The following KALRN variants were observed in gnomAD, a reference collection of about 807,000 sequenced individuals.
KALRN encodes the protein kalirin.
KALRN carries 70 observed loss-of-function variants against 353.7 expected under a neutral mutation model. The observed-to-expected ratio is 0.20, with a 90% CI of 0.16 to 0.24. The LOEUF (loss-of-function observed/expected upper bound fraction) is 0.24, where lower values mean the gene tolerates loss of function less well. KALRN is among the 10% of genes least tolerant of loss of function. The pLI, the probability that KALRN is intolerant of heterozygous loss-of-function variation, is 1.00. For missense variants in KALRN, 2,791 were observed against 3,756.7 expected, an observed-to-expected ratio of 0.74 and a Z score of 6.72; for synonymous variants, 1,391 against 1,434.8, an observed-to-expected ratio of 0.97 and a Z score of 0.69.
chr3:124,187,026 T>C (rs1186296316), intron 1 of KALRN, among the ~76,000 whole-genome samples: 1 of 152,208 alleles, frequency 6.6e-6, no homozygotes, highest in Non-Finnish European at 1.5e-5. Context: ...TGGGATATCT[T>C]GCTGAAAGAC....
chr3:124,404,115 C>A (rs1179080707), intron 13 of KALRN, among the ~76,000 whole-genome samples: 1 of 133,842 alleles, frequency 7.5e-6, no homozygotes, highest in Admixed American at 8.2e-5. Context: ...GAACCAAAAT[C>A]TCCACCTTTT....
intron 32 of KALRN, among the ~76,000 whole-genome samples, chr3:124,496,016 C>CATATATACATATATATATATATATAT (rs2063798056): frequency 3.3e-5 from 1 of 30,152 alleles, no homozygotes. Context: ...TATATATACA[C>CATATATACATATATATATATATATAT]ACACATATAT....
At chr3:124,480,607 C>T (rs76726348) in intron 27 of KALRN, among the ~76,000 whole-genome samples, 3,474 of 152,156 alleles carry the variant, frequency 0.023, 128 homozygotes, top group African/African-American at 0.076. Flanking sequence ...TTTGTGTGTG[C>T]GCTGACAGGT....
At chr3:124,666,955 T>C (rs1228744102) in intron 46 of KALRN, 57 bp from the exon 47 acceptor site, 1 of 1,519,748 alleles carries the variant, frequency 6.6e-7, no homozygotes, top group Non-Finnish European at 8.9e-7. Flanking sequence ...GAGTAATATG[T>C]TGCTGATTTT....
At chr3:124,526,218 A>C (rs1026554833) in intron 33 of KALRN, among the ~76,000 whole-genome samples, 7 of 152,130 alleles carry the variant, frequency 4.6e-5, no homozygotes, top group African/African-American at 1.7e-4. Context: ...TCAGACCTCA[A>C]ATTTGGCTAT....
chr3:124,116,569 A>T (rs533574326), intron 1 of KALRN, among the ~76,000 whole-genome samples: 1 of 152,320 alleles, frequency 6.6e-6, no homozygotes, highest in Admixed American at 6.5e-5. Flanking sequence ...TCTGTCCAGA[A>T]ATGATGATGA....
At chr3:124,057,187 G>A (rs2149189760) in intron 1 of KALRN, among the ~76,000 whole-genome samples, 1 of 152,248 alleles carries the variant, frequency 6.6e-6, no homozygotes, top group South Asian at 2.1e-4. Flanking sequence ...TAAGCCTTCA[G>A]GACCATATCC....
At chr3:124,413,348 T>C in intron 13 of KALRN, 122 bp from the exon 14 acceptor site, 1 of 787,482 alleles carries the variant, frequency 1.3e-6, no homozygotes, top group Admixed American at 2.8e-5. Context: ...GGTTGAAGAA[T>C]TCCAAAGCAG....
intron 28 of KALRN, among the ~76,000 whole-genome samples, chr3:124,484,088 T>C (rs1439981394): frequency 6.6e-6 from 1 of 152,240 alleles, no homozygotes; most frequent in Non-Finnish European, 1.5e-5. Flanking sequence ...GAAAATCTGA[T>C]GTAATTCAGC....
At chr3:124,083,040 C>A (rs1197755566) in intron 1 of KALRN, among the ~76,000 whole-genome samples, 1 of 152,200 alleles carries the variant, frequency 6.6e-6, no homozygotes, top group East Asian at 1.9e-4. Context: ...TGAGTTACTG[C>A]TAGAAGGGAG....
chr3:124,584,645 T>G, intron 34 of KALRN: 1 of 1,410,530 alleles, frequency 7.1e-7, no homozygotes, highest in Non-Finnish European at 9.2e-7. Flanking sequence ...CCCTCCCCGC[T>G]TCCCAAGGTG....
At chr3:124,631,077 C>T (rs930467195) in intron 34 of KALRN, among the ~76,000 whole-genome samples, 3 of 152,194 alleles carry the variant, frequency 2.0e-5, no homozygotes, top group African/African-American at 7.2e-5. Flanking sequence ...TTTGACACGC[C>T]GATTTCTCCC....
intron 34 of KALRN, among the ~76,000 whole-genome samples, chr3:124,608,415 G>A (rs2077580896): frequency 6.6e-6 from 1 of 152,158 alleles, no homozygotes; most frequent in Non-Finnish European, 1.5e-5. Context: ...GAGCAGATGA[G>A]TCCTCGCTCT....
At chr3:124,636,298 C>T (rs936497725) in intron 36 of KALRN, among the ~76,000 whole-genome samples, 1 of 152,152 alleles carries the variant, frequency 6.6e-6, no homozygotes, top group East Asian at 1.9e-4. Flanking sequence ...ACAAACGGTG[C>T]AGGGTTAACT....
chr3:124,707,845 AAAG>A (rs976326344), intron 57 of KALRN, among the ~76,000 whole-genome samples: 24 of 152,190 alleles, frequency 1.6e-4, no homozygotes, highest in Non-Finnish European at 1.0e-4. Context: ...GGAGAAAGCA[AAAG>A]AAGAAGATCT....
chr3:124,573,335 G>A (rs932789569), intron 34 of KALRN, among the ~76,000 whole-genome samples: 1 of 152,178 alleles, frequency 6.6e-6, no homozygotes, highest in Admixed American at 6.5e-5. Context: ...AGACTTTGCA[G>A]TCCAGTTATG....
At chr3:124,431,836 A>G (rs937954446) in intron 16 of KALRN, among the ~76,000 whole-genome samples, 9 of 152,194 alleles carry the variant, frequency 5.9e-5, no homozygotes, top group Non-Finnish European at 1.0e-4. Context: ...CAACCATTTA[A>G]TTTCCCGGAA....
At chr3:124,044,776 T>G (rs1160037313) in intron 1 of KALRN, among the ~76,000 whole-genome samples, 1 of 152,106 alleles carries the variant, frequency 6.6e-6, no homozygotes, top group Non-Finnish European at 1.5e-5. Flanking sequence ...ATGTTACCAG[T>G]TAGATGAATC....
chr3:124,227,663 G>GTTTTTGTTTT (rs2078683183), intron 1 of KALRN, among the ~76,000 whole-genome samples: 1 of 69,228 alleles, frequency 1.4e-5, no homozygotes, highest in Non-Finnish European at 2.9e-5. Context: ...CAACAGGGCT[G>GTTTTTGTTTT]TTTTTTTTTT....
Sources: gnomAD v4.1 joint callset for allele counts (sites outside exome capture counted in the v4.1 genomes callset) on GRCh38, gnomAD v4.1.1 for gene constraint, MANE v1.5 for transcripts, NCBI Gene and HGNC (gene_info 2026-07-23, HGNC 2026-07-21) for gene names.